Variants in ATP2B2 observed in about 807,000 individuals in gnomAD.
The protein encoded by ATP2B2 is plasma membrane calcium-transporting ATPase 2.
In ATP2B2, 15 loss-of-function variants were observed where a neutral mutation model predicts 120.0. That is an observed-to-expected ratio of 0.12 (90% CI 0.08 to 0.19). ATP2B2 has a LOEUF of 0.19. Ranked by LOEUF, ATP2B2 falls within the 10% of genes least tolerant of loss-of-function variation. The probability of loss-of-function intolerance (pLI) is 1.00; values close to 1 mark genes in which losing one functional copy is unlikely to be tolerated. For synonymous variants in ATP2B2, 694 were observed against 700.3 expected, an observed-to-expected ratio of 0.99 and a Z score of 0.14; for missense variants, 1,045 against 1,719.8, an observed-to-expected ratio of 0.61 and a Z score of 6.94.
At chr3:10,407,972 G>A (rs988995563) in intron 3 of ATP2B2, among the ~76,000 whole-genome samples, 2 of 152,154 alleles carry the variant, frequency 1.3e-5, no homozygotes, top group Non-Finnish European at 2.9e-5. Context: ...CAGGCCCTGT[G>A]CCTAGGCTCT....
At chr3:10,607,702 G>C (rs1296318175) in intron 2 of ATP2B2, among the ~76,000 whole-genome samples, 1 of 152,252 alleles carries the variant, frequency 6.6e-6, no homozygotes, top group Non-Finnish European at 1.5e-5. Flanking sequence ...ACCCCAAGCA[G>C]CGAGGGCCAA....
intron 1 of ATP2B2, among the ~76,000 whole-genome samples, chr3:10,653,715 G>T (rs913057140): frequency 1.2e-4 from 18 of 152,282 alleles, no homozygotes; most frequent in Non-Finnish European, 2.1e-4. Context: ...CATAAGGCAT[G>T]TGCCATTATT....
chr3:10,401,932 C>G (rs548875903), intron 4 of ATP2B2, among the ~76,000 whole-genome samples, 159 bp downstream of exon 4: 1 of 152,162 alleles, frequency 6.6e-6, no homozygotes, highest in African/African-American at 2.4e-5. Context: ...CAGGAAGTAC[C>G]CTTCCACCTC....
At chr3:10,496,928 C>A (rs2066175989) in intron 1 of ATP2B2, among the ~76,000 whole-genome samples, 1 of 152,200 alleles carries the variant, frequency 6.6e-6, no homozygotes, top group Admixed American at 6.5e-5. Context: ...GGTGGCTGGA[C>A]CAACGGGCCA....
At chr3:10,385,590 T>A (rs1010997711) in intron 7 of ATP2B2, among the ~76,000 whole-genome samples, 2 of 152,164 alleles carry the variant, frequency 1.3e-5, no homozygotes, top group African/African-American at 4.8e-5. Flanking sequence ...GCTGGGATGG[T>A]GCTGGTCTGT....
At chr3:10,699,526 T>C (rs1440462163) in intron 1 of ATP2B2, among the ~76,000 whole-genome samples, 2 of 152,212 alleles carry the variant, frequency 1.3e-5, no homozygotes, top group African/African-American at 4.8e-5. Flanking sequence ...AGCTTTGTTT[T>C]GTGGTGTTTA....
intron 2 of ATP2B2, among the ~76,000 whole-genome samples, chr3:10,444,769 CAG>C: frequency 6.6e-6 from 1 of 152,362 alleles, no homozygotes; most frequent in African/African-American, 2.4e-5. Context: ...ACGCTGGGCT[CAG>C]GGAACTGGAG....
At chr3:10,481,450 T>C (rs1448535884) in intron 1 of ATP2B2, among the ~76,000 whole-genome samples, 4 of 152,174 alleles carry the variant, frequency 2.6e-5, no homozygotes, top group Non-Finnish European at 1.5e-5. Flanking sequence ...CCCGCTCAAA[T>C]GGCACCTCCT....
intron 2 of ATP2B2, among the ~76,000 whole-genome samples, chr3:10,447,952 C>T (rs146196038): frequency 1.8e-4 from 27 of 152,340 alleles, no homozygotes; most frequent in Non-Finnish European, 2.1e-4. Flanking sequence ...GGAAGAAGAA[C>T]CAGTTTTAGC....
At chr3:10,386,334 G>A (rs2061678396) in intron 7 of ATP2B2, 146 bp downstream of exon 7, 1 of 837,234 alleles carries the variant, frequency 1.2e-6, no homozygotes. Context: ...TCACAGGAGG[G>A]CACAAAGGAG....
chr3:10,691,939 G>T (rs1289425826), intron 1 of ATP2B2, among the ~76,000 whole-genome samples: 1 of 152,172 alleles, frequency 6.6e-6, no homozygotes, highest in Non-Finnish European at 1.5e-5. Context: ...CCAATACTGC[G>T]ATGGTCTGAT....
intron 5 of ATP2B2, among the ~76,000 whole-genome samples, chr3:10,399,305 G>A (rs1317937473): frequency 4.6e-5 from 7 of 152,162 alleles, no homozygotes; most frequent in Admixed American, 6.5e-5. Context: ...GGCATTCCAC[G>A]GTCTCTCAGT....
At chr3:10,366,786 G>A (rs1370721841) in intron 12 of ATP2B2, among the ~76,000 whole-genome samples, 3 of 152,212 alleles carry the variant, frequency 2.0e-5, no homozygotes, top group Non-Finnish European at 4.4e-5. Context: ...AGCCAGAGCT[G>A]CTAGTGGAAG....
intron 1 of ATP2B2, among the ~76,000 whole-genome samples, chr3:10,676,588 C>A (rs1456813712): frequency 6.6e-6 from 1 of 152,108 alleles, no homozygotes; most frequent in Admixed American, 6.5e-5. Flanking sequence ...TTCTGGGAGA[C>A]AATTTGACTT....
At chr3:10,596,243 G>C (rs1399731805) in intron 2 of ATP2B2, among the ~76,000 whole-genome samples, 1 of 152,168 alleles carries the variant, frequency 6.6e-6, no homozygotes, top group Non-Finnish European at 1.5e-5. Flanking sequence ...GGAGGGATCT[G>C]TTCATGGCAA....
intron 1 of ATP2B2, among the ~76,000 whole-genome samples, chr3:10,481,239 T>A (rs2065398649): frequency 6.6e-6 from 1 of 152,222 alleles, no homozygotes; most frequent in Non-Finnish European, 1.5e-5. Flanking sequence ...TAACTTGAGT[T>A]GGTATTTATA....
chr3:10,439,249 G>C (rs1462347367), intron 2 of ATP2B2, among the ~76,000 whole-genome samples: 3 of 152,238 alleles, frequency 2.0e-5, no homozygotes, highest in Non-Finnish European at 4.4e-5. Flanking sequence ...GAATGTCTGA[G>C]CCTGGACAAG....
In ATP2B2 at chr3:10,551,499, C is replaced by T. The variant is rs73121362; in HGVS notation, c.-414-17366G>A. ...CTTCCTCTGTAACACCCCACTAACA[C>T]GCATGCATATTCCACAGCCCTGCTT... On this transcript the variant is annotated intron_variant, in intron 2 of 21. Transcript: ENST00000646379. 6.5e-3 allele frequency among the ~76,000 whole-genome samples: 989 copies of T among 152,346 alleles called. 7 individuals are homozygous for T. Among genetic ancestry groups the T allele is most frequent in the African/African-American group, 0.023 (947 of 41,586 alleles).
intron 3 of ATP2B2, among the ~76,000 whole-genome samples, chr3:10,520,406 G>A (rs1354911064): frequency 6.6e-6 from 1 of 152,182 alleles, no homozygotes; most frequent in Non-Finnish European, 1.5e-5. Flanking sequence ...GGAGGCGGGT[G>A]GAGAGAAATC....
Sources: gnomAD v4.1 joint callset for allele counts (sites outside exome capture counted in the v4.1 genomes callset) on GRCh38, gnomAD v4.1.1 for gene constraint, MANE v1.5 for transcripts, NCBI Gene and HGNC (gene_info 2026-07-23, HGNC 2026-07-21) for gene names.